The following SYN3 variants were observed in gnomAD, a reference collection of about 807,000 sequenced individuals.
SYN3 encodes the protein synapsin III.
In SYN3, 35 loss-of-function variants were observed where a neutral mutation model predicts 65.8. That is an observed-to-expected ratio of 0.53 (90% CI 0.41 to 0.70). The LOEUF (loss-of-function observed/expected upper bound fraction) is 0.70. Among genes scored for constraint, SYN3 ranks in the 30% least tolerant of loss-of-function variants. The pLI is 0.00. For missense variants in SYN3, 680 were observed against 749.0 expected (o/e 0.91, Z 1.08); for synonymous variants, 270 against 292.9 (o/e 0.92, Z 0.80).
intron 6 of SYN3, among the ~76,000 whole-genome samples, chr22:32,834,989 G>C (rs2047687319): frequency 6.6e-6 from 1 of 152,214 alleles, no homozygotes; most frequent in African/African-American, 2.4e-5. Flanking sequence ...CCTCAGCCAT[G>C]TGACCTCCGA....
In SYN3 at chr22:32,654,777, C is replaced by T. The variant is rs988929550; in HGVS notation, c.712-58041G>A. On this transcript the variant is annotated intron_variant, in intron 6 of 13. Transcript: ENST00000358763. Reference sequence around the variant, plus strand: ...CCTGCCTAGCCCCATTCCACGTGTTCGGCAGCCATTTGCTGCTGCTACTCT... The same window carrying T: ...CCTGCCTAGCCCCATTCCACGTGTTTGGCAGCCATTTGCTGCTGCTACTCT... 1.1e-3 allele frequency among the ~76,000 whole-genome samples: 161 copies of T among 152,346 alleles called. 1 individual carries two copies. The highest frequency in any genetic ancestry group is 3.5e-3 in the African/African-American group (147 of 41,580).
At chr22:32,820,966 C>G (rs2047229974) in intron 6 of SYN3, among the ~76,000 whole-genome samples, 1 of 152,130 alleles carries the variant, frequency 6.6e-6, no homozygotes, top group Admixed American at 6.5e-5. Context: ...TTCAAGGTCT[C>G]TGAGCCAAGC....
At chr22:32,542,665 C>G (rs568622264) in intron 7 of SYN3, among the ~76,000 whole-genome samples, 1 of 150,846 alleles carries the variant, frequency 6.6e-6, no homozygotes, top group Admixed American at 6.6e-5. Flanking sequence ...CGCGCGCACA[C>G]AGGCACACAC....
intron 6 of SYN3, among the ~76,000 whole-genome samples, chr22:32,792,714 T>C (rs2046349266): frequency 6.6e-6 from 1 of 152,210 alleles, no homozygotes; most frequent in Non-Finnish European, 1.5e-5. Flanking sequence ...TGCCTGCAGA[T>C]AAAGCTCTCT....
intron 6 of SYN3, among the ~76,000 whole-genome samples, chr22:32,651,034 G>T (rs1271033539): frequency 1.3e-5 from 2 of 152,160 alleles, no homozygotes; most frequent in East Asian, 3.9e-4. Flanking sequence ...GTCCTCATGG[G>T]TGGGAGGGAC....
chr22:32,949,402 C>T (rs951662539), intron 3 of SYN3, among the ~76,000 whole-genome samples: 1 of 150,706 alleles, frequency 6.6e-6, no homozygotes, highest in Non-Finnish European at 1.5e-5. Flanking sequence ...GGAGACAGAG[C>T]GAGACTCTAT....
In SYN3 at chr22:32,849,401, G is replaced by A. The variant is rs76858597; in HGVS notation, c.711+15514C>T. 922 of 1,551,214 alleles carry A rather than the reference G, an allele frequency of 5.9e-4. 5 individuals carry two copies. The African/African-American group carries it at 0.01, about 17-fold the overall frequency. On this transcript the variant is annotated intron_variant, in intron 6 of 13. Transcript: ENST00000358763. ...GTGCCCGCCCTGAGATGCTGTTCCTGATGTGGTTCAGGCCTTCCTAACCTC... is the reference window on the plus strand; with the variant it reads ...GTGCCCGCCCTGAGATGCTGTTCCTAATGTGGTTCAGGCCTTCCTAACCTC...
At chr22:32,710,107 G>A (rs1333212234) in intron 6 of SYN3, among the ~76,000 whole-genome samples, 10 of 94,060 alleles carry the variant, frequency 1.1e-4, no homozygotes, top group Non-Finnish European at 1.9e-4. Flanking sequence ...ACATGTGTGT[G>A]TGTATGTGTG....
intron 4 of SYN3, among the ~76,000 whole-genome samples, chr22:32,901,483 C>G (rs994531431): frequency 6.6e-6 from 1 of 152,208 alleles, no homozygotes; most frequent in Non-Finnish European, 1.5e-5. Flanking sequence ...AATTCCTTAT[C>G]TTGGTGAACC....
At chr22:32,849,111 T>A (rs1048544570) in intron 6 of SYN3, among the ~76,000 whole-genome samples, 1 of 152,248 alleles carries the variant, frequency 6.6e-6, no homozygotes, top group African/African-American at 2.4e-5. Flanking sequence ...GGGGGGACAA[T>A]GGCTCTAACA....
At chr22:32,525,690 G>A (rs1019310672) in intron 12 of SYN3, among the ~76,000 whole-genome samples, 16 of 143,576 alleles carry the variant, frequency 1.1e-4, no homozygotes, top group South Asian at 2.2e-4. Flanking sequence ...CAGCCTGGGC[G>A]ACAAGGAGAC....
intron 6 of SYN3, among the ~76,000 whole-genome samples, chr22:32,735,463 T>C (rs1476082351): frequency 6.6e-6 from 1 of 152,212 alleles, no homozygotes; most frequent in Non-Finnish European, 1.5e-5. Context: ...CAAAATAATT[T>C]GTACGAATGA....
Position 32,717,730 on chromosome 22 carries a change from A to G in SYN3, c.712-120994T>C, listed in dbSNP as rs1370483229. Among the ~76,000 whole-genome samples, 3 of 152,126 alleles carry G rather than the reference A, an allele frequency of 2.0e-5. No individual in the cohort carries two copies. The East Asian group carries it at 5.8e-4, about 29-fold the overall frequency. On this transcript the variant is annotated intron_variant, in intron 6 of 13. Transcript: ENST00000358763. The stretch of plus-strand genomic sequence containing the variant: ...CAGCTCTCAAGAGTGGTCAAGCTGA[A>G]GAGTGTGGAGAGAGGTGAAGGATTC...
At chr22:32,875,526 C>T (rs1378606757) in intron 4 of SYN3, among the ~76,000 whole-genome samples, 12 of 152,138 alleles carry the variant, frequency 7.9e-5, no homozygotes, top group Admixed American at 7.2e-4. Context: ...GTACCTGTGA[C>T]TGTGACCTTA....
intron 7 of SYN3, among the ~76,000 whole-genome samples, chr22:32,573,764 GTTTTTTTT>G (rs1206847975): frequency 9.2e-6 from 1 of 108,496 alleles, no homozygotes; most frequent in East Asian, 2.5e-4. Flanking sequence ...GAAGGAAGGG[GTTTTTTTT>G]TTTTTTTTTT....
In SYN3 at chr22:33,006,455, C is replaced by G. The variant is rs765418193; in HGVS notation, c.208G>C (p.Ala70Pro). 6.2e-7 allele frequency: 1 copy of G among 1,614,158 alleles called. No individual in the cohort carries two copies. Among genetic ancestry groups the G allele is most frequent in the South Asian group, 1.1e-5 (1 of 91,080 alleles). Residue 70 changes from alanine to proline, a missense_variant, in exon 2 of 14, where the codon GCC becomes CCC. Ala to Pro is a conservative substitution (Grantham distance 27). Transcript: ENST00000358763. ...ATCAGTCCTGAGGTGGCCTGAGGGG[C>G]CTGCTTCATGGCACTGGAGAGGGAG... The part of the protein sequence containing the change: ...FSSLSSAMKQ[A>P]PQATSGLMEP...
At chr22:32,674,834 T>C (rs2060418061) in intron 6 of SYN3, among the ~76,000 whole-genome samples, 1 of 152,210 alleles carries the variant, frequency 6.6e-6, no homozygotes, top group South Asian at 2.1e-4. Context: ...CTAGCTTAGA[T>C]TGATACGTTA....
intron 6 of SYN3, among the ~76,000 whole-genome samples, chr22:32,757,103 T>C (rs1015417546): frequency 1.3e-5 from 2 of 151,780 alleles, no homozygotes; most frequent in Non-Finnish European, 2.9e-5. Context: ...AAGTGCTTCC[T>C]GCCACTCATC....
At chr22:32,652,357 C>T (rs1029103945) in intron 6 of SYN3, among the ~76,000 whole-genome samples, 6 of 150,886 alleles carry the variant, frequency 4.0e-5, no homozygotes, top group African/African-American at 1.5e-4. Flanking sequence ...GCATCTTTCC[C>T]ACACCTAAGT....
Sources: allele counts gnomAD v4.1 joint callset (sites outside exome capture counted in the v4.1 genomes callset), GRCh38; gene constraint gnomAD v4.1.1; transcripts MANE v1.5; gene names NCBI Gene and HGNC (gene_info 2026-07-23, HGNC 2026-07-21).